The following RDX variants were observed in gnomAD, a reference collection of about 807,000 sequenced individuals.
RDX encodes radixin.
In RDX, 32 loss-of-function variants were observed where a neutral mutation model predicts 83.7. That is an observed-to-expected ratio of 0.38 (90% CI 0.29 to 0.51). The LOEUF (loss-of-function observed/expected upper bound fraction) is 0.51, where lower values mean the gene tolerates loss of function less well. Among genes scored for constraint, RDX ranks in the 20% least tolerant of loss-of-function variants. The pLI is 0.87. For synonymous variants in RDX, 229 were observed against 222.7 expected (o/e 1.03, Z -0.25); for missense variants, 600 against 689.9 (o/e 0.87, Z 1.46).
At chr11:110,215,413 A>T (rs933507892) in intron 14 of RDX, among the ~76,000 whole-genome samples, 1 of 144,182 alleles carries the variant, frequency 6.9e-6, no homozygotes, top group African/African-American at 2.6e-5. Context: ...AATAAATAAA[A>T]TAATAATAAT....
At chr11:110,223,180 G>A (rs774108229) in intron 14 of RDX, among the ~76,000 whole-genome samples, 5 of 151,944 alleles carry the variant, frequency 3.3e-5, no homozygotes, top group Middle Eastern at 6.8e-3. Context: ...GTGAAACCCC[G>A]TCTCTACTAA....
intron 15 of RDX, among the ~76,000 whole-genome samples, chr11:110,190,068 A>G (rs1019416159): frequency 3.9e-5 from 6 of 152,022 alleles, no homozygotes; most frequent in Non-Finnish European, 8.8e-5. Context: ...AGGCAACAAG[A>G]GCGAAACTCC....
chr11:110,242,305 T>G (rs946706147), intron 10 of RDX, among the ~76,000 whole-genome samples: 1 of 151,792 alleles, frequency 6.6e-6, no homozygotes, highest in South Asian at 2.1e-4. Context: ...ATACCAAAAT[T>G]AGCCAGACAT....
At chr11:110,256,161 G>A (rs894882631) in intron 7 of RDX, among the ~76,000 whole-genome samples, 12 of 152,130 alleles carry the variant, frequency 7.9e-5, no homozygotes, top group African/African-American at 2.9e-4. Context: ...TAATAACTAA[G>A]ACTGAGAAAT....
intron 15 of RDX, among the ~76,000 whole-genome samples, chr11:110,196,729 A>T (rs553488869): frequency 6.6e-6 from 1 of 152,244 alleles, no homozygotes; most frequent in East Asian, 1.9e-4. Context: ...CCTCAGCTAA[A>T]ATCAGCTCAG....
intron 15 of RDX, among the ~76,000 whole-genome samples, chr11:110,193,855 A>G (rs2134229090): frequency 6.6e-6 from 1 of 152,368 alleles, no homozygotes; most frequent in South Asian, 2.1e-4. Flanking sequence ...ACTTTTGATT[A>G]TACAGCATTA....
chr11:110,177,042 G>A (rs1862788614), intron 15 of RDX, among the ~76,000 whole-genome samples: 1 of 152,202 alleles, frequency 6.6e-6, no homozygotes, highest in South Asian at 2.1e-4. Flanking sequence ...CAGAGTTTCT[G>A]GAGCCAAATG....
At position 110,285,032 on chromosome 11, in the gene RDX, T is replaced by C. The variant is rs573524610; in HGVS notation, c.-64-5276A>G. 1.4e-4 allele frequency among the ~76,000 whole-genome samples: 22 copies of C among 152,342 alleles called. No individual in the cohort carries two copies. In the South Asian group the frequency reaches 2.3e-3, roughly 16 times the overall value. On this transcript the variant is annotated intron_variant, in intron 1 of 13. Transcript: ENST00000645495. Reference sequence around the variant, plus strand: ...AAATTTTTCAGGACAAAGCTATGTATAAATGCTATTAAAACCTATGTTTTT... The same window carrying C: ...AAATTTTTCAGGACAAAGCTATGTACAAATGCTATTAAAACCTATGTTTTT...
At chr11:110,247,884 T>C in intron 9 of RDX, 51 bp from the exon 10 acceptor site, 1 of 1,526,026 alleles carries the variant, frequency 6.6e-7, no homozygotes, top group Non-Finnish European at 8.8e-7. Flanking sequence ...AAAATATTAT[T>C]CATGTGATGG....
At chr11:110,182,655 T>C (rs1489725222) in intron 15 of RDX, among the ~76,000 whole-genome samples, 1 of 152,182 alleles carries the variant, frequency 6.6e-6, no homozygotes, top group Non-Finnish European at 1.5e-5. Context: ...GGTAATTCTC[T>C]TGGGTAATCC....
At chr11:110,185,801 G>A (rs1021570179) in intron 15 of RDX, among the ~76,000 whole-genome samples, 1 of 152,208 alleles carries the variant, frequency 6.6e-6, no homozygotes, top group Non-Finnish European at 1.5e-5. Flanking sequence ...ACTATGGCAT[G>A]GAAGAGCATA....
At chr11:110,177,726 C>T (rs924774591) in intron 15 of RDX, among the ~76,000 whole-genome samples, 3 of 151,964 alleles carry the variant, frequency 2.0e-5, no homozygotes, top group East Asian at 3.9e-4. Flanking sequence ...TCAGGTGGTC[C>T]GCCTGCCTCG....
intron 2 of RDX, among the ~76,000 whole-genome samples, chr11:110,274,169 T>C (rs965335306): frequency 1.3e-5 from 2 of 152,216 alleles, no homozygotes; most frequent in African/African-American, 4.8e-5. Flanking sequence ...AGAAATGATA[T>C]ATACAAAACA....
At chr11:110,190,815 C>A (rs1183755209) in intron 15 of RDX, among the ~76,000 whole-genome samples, 1 of 152,216 alleles carries the variant, frequency 6.6e-6, no homozygotes, top group Non-Finnish European at 1.5e-5. Context: ...ATCAACACAT[C>A]TGTGAGCACA....
chr11:110,280,354 C>T (rs936841593), intron 1 of RDX, among the ~76,000 whole-genome samples: 2 of 152,146 alleles, frequency 1.3e-5, no homozygotes, highest in South Asian at 4.1e-4. Context: ...AGTGATCCTC[C>T]TGCCTTGGGC....
rs902588989 is a variant in RDX at position 110,231,700 on chromosome 11, T to C, written c.*169A>G. On this transcript the variant is annotated 3_prime_UTR_variant, in exon 14 of 14. Transcript: ENST00000645495. ...AAAAAGAAAACCAAGCATGATATCA[T>C]ACTGCCTTAATGTTGAAGAGCTCCC... 4 of 732,064 alleles carry C rather than the reference T, an allele frequency of 5.5e-6. No homozygotes were observed. The highest frequency in any genetic ancestry group is 5.2e-5 in the African/African-American group (3 of 57,788). 45.3% of individuals were successfully genotyped at this position (732,064 alleles called of 1,614,324 possible). A position where few individuals can be genotyped will look rare whatever the true frequency, so the allele number is the denominator to read the frequency against.
At chr11:110,217,839 C>T (rs915120930) in intron 14 of RDX, among the ~76,000 whole-genome samples, 1 of 146,868 alleles carries the variant, frequency 6.8e-6, no homozygotes, top group African/African-American at 2.4e-5. Context: ...TGGTCACTAC[C>T]TAGCTCTGAG....
intron 10 of RDX, among the ~76,000 whole-genome samples, chr11:110,242,959 A>T (rs1357470340): frequency 6.6e-6 from 1 of 152,076 alleles, no homozygotes; most frequent in African/African-American, 2.4e-5. Flanking sequence ...ACACTGCAAT[A>T]GCAGAGCTGA....
chr11:110,236,212 C>A (rs1313278897), intron 11 of RDX, 21 bp from the exon 12 acceptor site: 7 of 1,568,562 alleles, frequency 4.5e-6, no homozygotes, highest in Non-Finnish European at 5.3e-6. Context: ...CAATATAATT[C>A]CAAAATTAAA....
Sources: gnomAD v4.1 joint callset for allele counts (sites outside exome capture counted in the v4.1 genomes callset) on GRCh38, gnomAD v4.1.1 for gene constraint, MANE v1.5 for transcripts, NCBI Gene and HGNC (gene_info 2026-07-23, HGNC 2026-07-21) for gene names.